MGAT5: variants seen among roughly 807,000 people sequenced by gnomAD.
The protein encoded by MGAT5 is alpha-1,6-mannosylglycoprotein 6-beta-N-acetylglucosaminyltransferase A.
Under a neutral mutation model 94.3 loss-of-function variants are expected in MGAT5, and 30 were observed. The observed-to-expected ratio is 0.32, with a 90% confidence interval of 0.24 to 0.43. The LOEUF (loss-of-function observed/expected upper bound fraction) is 0.43. MGAT5 is among the 20% of genes least tolerant of loss of function. MGAT5 has a pLI of 1.00. For missense variants in MGAT5, 691 were observed against 905.5 expected (o/e 0.76, Z 3.04); for synonymous variants, 310 against 322.9 (o/e 0.96, Z 0.43).
At chr2:134,277,500 C>T (rs1684451875) in intron 2 of MGAT5, among the ~76,000 whole-genome samples, 1 of 152,150 alleles carries the variant, frequency 6.6e-6, no homozygotes, top group African/African-American at 2.4e-5. Flanking sequence ...TGAGAACTCA[C>T]TACCATGAGA....
chr2:134,286,002 C>T lies in MGAT5; in HGVS notation c.406+15452C>T, dbSNP rs183571074. Among the ~76,000 whole-genome samples, 107 of 152,224 alleles carry T rather than the reference C, an allele frequency of 7.0e-4. 2 individuals are homozygous for T. In the South Asian group the frequency reaches 0.021, roughly 30 times the overall value. Reference sequence around the variant, plus strand: ...TGATACATCTTTCTGTTTTTCCCAGCGTTAATAATTTACTTCTTATGTTTG... The same window carrying T: ...TGATACATCTTTCTGTTTTTCCCAGTGTTAATAATTTACTTCTTATGTTTG... On this transcript the variant is annotated intron_variant, in intron 2 of 15. Coordinates refer to ENST00000281923, the MANE Select transcript of MGAT5 (RefSeq NM_002410.5).
At chr2:134,192,570 A>G (rs1466548986) in intron 1 of MGAT5, among the ~76,000 whole-genome samples, 2 of 152,232 alleles carry the variant, frequency 1.3e-5, no homozygotes, top group Non-Finnish European at 2.9e-5. Context: ...TCCTCGTATT[A>G]TTGTATCAGA....
intron 1 of MGAT5, among the ~76,000 whole-genome samples, chr2:134,136,302 C>T (rs946062750): frequency 6.6e-6 from 1 of 152,300 alleles, no homozygotes; most frequent in East Asian, 1.9e-4. Context: ...CGCGGTGGCT[C>T]ATGCCTGTAA....
At chr2:134,394,501 T>C (rs1396408798) in intron 10 of MGAT5, among the ~76,000 whole-genome samples, 1 of 152,244 alleles carries the variant, frequency 6.6e-6, no homozygotes, top group East Asian at 1.9e-4. Flanking sequence ...CAAAATGTAA[T>C]GTTATTCCTT....
chr2:134,377,258 C>T (rs949285490), intron 10 of MGAT5, among the ~76,000 whole-genome samples: 4 of 152,218 alleles, frequency 2.6e-5, no homozygotes, highest in Non-Finnish European at 4.4e-5. Context: ...TTGGTCTCTC[C>T]TTTGGCATCC....
chr2:134,409,670 A>G (rs1395313293), intron 11 of MGAT5, among the ~76,000 whole-genome samples: 2 of 152,352 alleles, frequency 1.3e-5, no homozygotes, highest in East Asian at 3.9e-4. Flanking sequence ...TTCCCCATCA[A>G]GAGTGAAACT....
chr2:134,264,780 C>T (rs557453390), intron 1 of MGAT5, among the ~76,000 whole-genome samples: 5 of 152,294 alleles, frequency 3.3e-5, no homozygotes, highest in Non-Finnish European at 5.9e-5. Context: ...TTCTCATTAA[C>T]GCCCTGTCTT....
At chr2:134,322,322 TG>T (rs1440377553) in intron 4 of MGAT5, among the ~76,000 whole-genome samples, 4 of 152,334 alleles carry the variant, frequency 2.6e-5, no homozygotes, top group Admixed American at 1.3e-4. Context: ...TTAGATCCTT[TG>T]ACTTCTGGTA....
upstream of MGAT5, among the ~76,000 whole-genome samples, chr2:134,252,121 G>T (rs184673779): frequency 1.9e-3 from 292 of 152,336 alleles, 2 homozygotes; most frequent in Admixed American, 6.6e-3. Flanking sequence ...TGTAAGACTA[G>T]GAAAGGAACA....
At chr2:134,285,267 T>TC (rs1394884690) in intron 2 of MGAT5, among the ~76,000 whole-genome samples, 3 of 152,146 alleles carry the variant, frequency 2.0e-5, no homozygotes, top group African/African-American at 7.2e-5. Context: ...GCTTTTTTTT[T>TC]CTGTGTGTAT....
chr2:134,367,269 C>G (rs1426005947), intron 10 of MGAT5, among the ~76,000 whole-genome samples: 1 of 152,168 alleles, frequency 6.6e-6, no homozygotes, highest in Non-Finnish European at 1.5e-5. Context: ...GGAAATGCTG[C>G]AGTGGGAATT....
At chr2:134,232,559 A>T (rs1343162983) in intron 1 of MGAT5, among the ~76,000 whole-genome samples, 1 of 152,222 alleles carries the variant, frequency 6.6e-6, no homozygotes, top group East Asian at 1.9e-4. Flanking sequence ...TTTCACAGGA[A>T]GTTGTAAAAA....
At chr2:134,121,416 A>G (rs997053034) in intron 1 of MGAT5, among the ~76,000 whole-genome samples, 7 of 152,346 alleles carry the variant, frequency 4.6e-5, no homozygotes, top group African/African-American at 1.2e-4. Flanking sequence ...GCGGTTTTGT[A>G]GCCGCCGCGC....
intron 1 of MGAT5, among the ~76,000 whole-genome samples, chr2:134,221,187 C>T (rs997251498): frequency 2.0e-5 from 3 of 152,052 alleles, no homozygotes; most frequent in South Asian, 2.1e-4. Flanking sequence ...GAACATGTGC[C>T]GAAGGTGGTT....
intron 1 of MGAT5, among the ~76,000 whole-genome samples, chr2:134,237,131 G>GTGTGTGTGTGTGTA (rs1367039775): frequency 2.2e-5 from 3 of 134,064 alleles, no homozygotes; most frequent in Non-Finnish European, 5.0e-5. Flanking sequence ...ATATGTGTGT[G>GTGTGTGTGTGTGTA]TGTGTGTGTG....
chr2:134,435,679 T>C (rs1252244351), intron 14 of MGAT5, among the ~76,000 whole-genome samples: 1 of 152,204 alleles, frequency 6.6e-6, no homozygotes, highest in Non-Finnish European at 1.5e-5. Flanking sequence ...CAGGCGCTTT[T>C]CTGAGCATGT....
chr2:134,223,671 G>C (rs556685012), intron 1 of MGAT5, among the ~76,000 whole-genome samples: 26 of 152,176 alleles, frequency 1.7e-4, no homozygotes, highest in Non-Finnish European at 3.1e-4. Context: ...CAGTTTTTAA[G>C]CTACCTTTTT....
Position 134,341,613 on chromosome 2 carries a change from G to A in MGAT5, c.831G>A (p.Leu277=), listed in dbSNP as rs1472963627. 22 of 1,613,228 alleles carry A rather than the reference G, an allele frequency of 1.4e-5. No individual in the cohort carries two copies. The highest frequency in any genetic ancestry group is 1.7e-5 in the Non-Finnish European group (20 of 1,179,598). Residue 277 remains leucine, a synonymous_variant, in exon 7 of 16, where the codon CTG becomes CTA. Coordinates refer to ENST00000281923, the MANE Select transcript of MGAT5 (RefSeq NM_002410.5). ...AGGTCCTCGTTCACCTGGGACTCCT[G>A]ACCAAGGAATCTGGATTTAAGATTG... ...RKKVLVHLGL[L]TKESGFKIAE...
At chr2:134,177,427 G>A (rs536051061) in intron 1 of MGAT5, among the ~76,000 whole-genome samples, 5 of 152,216 alleles carry the variant, frequency 3.3e-5, no homozygotes, top group African/African-American at 4.8e-5. Context: ...TGTGGTTAGC[G>A]TCACTTTCTA....
Sources: gnomAD v4.1 joint callset for allele counts (sites outside exome capture counted in the v4.1 genomes callset) on GRCh38, gnomAD v4.1.1 for gene constraint, MANE v1.5 for transcripts, NCBI Gene and HGNC (gene_info 2026-07-23, HGNC 2026-07-21) for gene names.